Variants in TNS3 observed in about 807,000 individuals in gnomAD.
The protein encoded by TNS3 is tensin-3.
Under a neutral mutation model 140.9 loss-of-function variants are expected in TNS3, and 45 were observed. The observed-to-expected ratio is 0.32, with a 90% CI of 0.25 to 0.41. The LOEUF (loss-of-function observed/expected upper bound fraction) is 0.41. TNS3 is among the 10% of genes least tolerant of loss of function. The pLI is 1.00. For synonymous variants in TNS3, 815 were observed against 788.4 expected (o/e 1.03, Z -0.56); for missense variants, 1,716 against 1,906.7 (o/e 0.90, Z 1.86).
chr7:47,572,201 A>G (rs1800573089), intron 1 of TNS3, among the ~76,000 whole-genome samples: 1 of 152,198 alleles, frequency 6.6e-6, no homozygotes, highest in African/African-American at 2.4e-5. Flanking sequence ...CAGCCGAGGG[A>G]CCATTTGGAG....
intron 2 of TNS3, among the ~76,000 whole-genome samples, chr7:47,523,676 T>TCCTGG (rs1304077398): frequency 6.6e-6 from 1 of 152,152 alleles, no homozygotes; most frequent in African/African-American, 2.4e-5. Context: ...AGGCAAAGGT[T>TCCTGG]TTCCTTCATC....
At position 47,502,444 on chromosome 7, in the gene TNS3, C is replaced by T. The variant is rs543501332; in HGVS notation, c.-115+4463G>A. On this transcript the variant is annotated intron_variant, in intron 3 of 30. Coordinates refer to ENST00000311160, the MANE Select transcript of TNS3 (RefSeq NM_022748.12). ...TGAAGAAGCCATAAACTCTAGGTCC[C>T]GTGTTTTCCATGGCAGAGGACCAAG... Among the ~76,000 whole-genome samples the T allele has an allele frequency of 1.4e-4, 22 of 152,308 alleles. 1 individual carries two copies. In the South Asian group the frequency reaches 4.6e-3, roughly 32 times the overall value.
intron 13 of TNS3, 132 bp from the exon 14 acceptor site, chr7:47,401,046 G>C (rs1793131719): frequency 3.0e-6 from 4 of 1,348,334 alleles, no homozygotes; most frequent in Middle Eastern, 2.1e-4. Flanking sequence ...TCACGCTTTG[G>C]AGTGGAACTT....
At chr7:47,398,317 G>A (rs751714487) in intron 15 of TNS3, among the ~76,000 whole-genome samples, 8 of 151,860 alleles carry the variant, frequency 5.3e-5, no homozygotes, top group Non-Finnish European at 1.2e-4. Flanking sequence ...ATTCTATGAA[G>A]CCAGTATCAC....
At chr7:47,489,238 A>G (rs1355249074) in intron 3 of TNS3, among the ~76,000 whole-genome samples, 1 of 152,192 alleles carries the variant, frequency 6.6e-6, no homozygotes, top group Non-Finnish European at 1.5e-5. Context: ...AAAGAGAAGG[A>G]AAATTCCCAG....
At chr7:47,393,178 T>C (rs1792628647) in intron 16 of TNS3, among the ~76,000 whole-genome samples, 2 of 152,192 alleles carry the variant, frequency 1.3e-5, no homozygotes, top group African/African-American at 4.8e-5. Context: ...AATACACCAA[T>C]GACGAGTGCT....
Position 47,469,348 on chromosome 7 carries a change from G to A in TNS3, c.-76+11755C>T, listed in dbSNP as rs1429560502. Among the ~76,000 whole-genome samples the A allele has an allele frequency of 3.3e-5, 5 of 152,180 alleles. No individual in the cohort carries two copies. In the East Asian group the frequency reaches 7.7e-4, roughly 23 times the overall value. ...ATTCACAAACTATGCATCCAACAAA[G>A]GCTGAATATCTCACACCAGTCAGAA... On this transcript the variant is annotated intron_variant, in intron 4 of 30. Transcript: ENST00000311160.
intron 16 of TNS3, among the ~76,000 whole-genome samples, chr7:47,392,933 G>A (rs528524399): frequency 7.9e-5 from 12 of 152,344 alleles, no homozygotes; most frequent in African/African-American, 2.2e-4. Flanking sequence ...TGGCAGCCTC[G>A]TGTCTCACAG....
Position 47,521,168 on chromosome 7 carries a change from C to G in TNS3, c.-153+7868G>C, listed in dbSNP as rs187984699. On this transcript the variant is annotated intron_variant, in intron 2 of 30. Transcript: ENST00000311160. The stretch of plus-strand genomic sequence containing the variant: ...GATCAGAACACAGCAGTTCCTCCAT[C>G]GTCCTGACAATGCCCACACTCCCTG... Among the ~76,000 whole-genome samples the G allele has an allele frequency of 2.0e-4, 31 of 152,272 alleles. No homozygotes were observed. In the East Asian group the frequency reaches 5.8e-3, roughly 28 times the overall value.
intron 12 of TNS3, among the ~76,000 whole-genome samples, chr7:47,413,112 C>G (rs1048595335): frequency 6.6e-6 from 1 of 152,020 alleles, no homozygotes; most frequent in Non-Finnish European, 1.5e-5. Flanking sequence ...CGCCACCATG[C>G]CCAGCTAATT....
chr7:47,342,509 C>T lies in TNS3; in HGVS notation c.2650+2246G>A, dbSNP rs186499827. 4.5e-3 allele frequency among the ~76,000 whole-genome samples: 680 copies of T among 152,332 alleles called. 7 individuals carry two copies. The highest frequency in any genetic ancestry group is 0.015 in the African/African-American group (630 of 41,570). On this transcript the variant is annotated intron_variant, in intron 20 of 30. Coordinates refer to ENST00000311160, the MANE Select transcript of TNS3 (RefSeq NM_022748.12). ...GGTTCATAGGGGTTACCTAAATGTA[C>T]AAATTACATGGTTATTCCATGACTG...
chr7:47,528,130 C>A (rs991531197), intron 2 of TNS3, among the ~76,000 whole-genome samples: 1 of 152,086 alleles, frequency 6.6e-6, no homozygotes, highest in Non-Finnish European at 1.5e-5. Context: ...AGGAGGGGCA[C>A]CCCAGTCTTC....
intron 6 of TNS3, among the ~76,000 whole-genome samples, 181 bp from the exon 7 acceptor site, chr7:47,437,494 A>C (rs1795242912): frequency 6.6e-6 from 1 of 151,848 alleles, no homozygotes; most frequent in Admixed American, 6.6e-5. Context: ...CAGAGATGAA[A>C]GCAGAAAACA....
intron 4 of TNS3, chr7:47,453,286 C>T (rs1389906789): frequency 8.1e-6 from 8 of 982,190 alleles, no homozygotes; most frequent in Middle Eastern, 5.2e-4. Flanking sequence ...CAGCGCTCTC[C>T]GGGAGAGCCT....
intron 20 of TNS3, among the ~76,000 whole-genome samples, chr7:47,335,043 C>T (rs554948192): frequency 9.3e-4 from 142 of 152,150 alleles, no homozygotes; most frequent in African/African-American, 3.2e-3. Context: ...TCTATTTTTG[C>T]TTATAGGGGA....
At chr7:47,497,148 T>C (rs960870257) in intron 3 of TNS3, among the ~76,000 whole-genome samples, 1 of 152,216 alleles carries the variant, frequency 6.6e-6, no homozygotes, top group African/African-American at 2.4e-5. Flanking sequence ...TTAGAAAATA[T>C]ATATACTTTC....
chr7:47,367,851 C>G (rs985914793), intron 17 of TNS3, among the ~76,000 whole-genome samples: 7 of 152,218 alleles, frequency 4.6e-5, no homozygotes, highest in African/African-American at 1.7e-4. Context: ...GTAATCAGAA[C>G]ATTTTATACC....
intron 3 of TNS3, among the ~76,000 whole-genome samples, chr7:47,490,297 A>T (rs1797763272): frequency 6.6e-6 from 1 of 152,254 alleles, no homozygotes; most frequent in Non-Finnish European, 1.5e-5. Flanking sequence ...AAGTACTGAC[A>T]CTGACATTTG....
chr7:47,571,442 A>C (rs1257900596), intron 1 of TNS3, among the ~76,000 whole-genome samples: 1 of 152,242 alleles, frequency 6.6e-6, no homozygotes, highest in Non-Finnish European at 1.5e-5. Flanking sequence ...GGCTGCACCC[A>C]CGCTGGGGAC....
Sources: gnomAD v4.1 joint callset for allele counts (sites outside exome capture counted in the v4.1 genomes callset) on GRCh38, gnomAD v4.1.1 for gene constraint, MANE v1.5 for transcripts, NCBI Gene and HGNC (gene_info 2026-07-23, HGNC 2026-07-21) for gene names.